Variants in DPP10 observed in about 807,000 individuals in gnomAD.
DPP10 encodes inactive dipeptidyl peptidase 10.
DPP10 carries 33 observed loss-of-function variants against 120.9 expected under a neutral mutation model. The ratio of observed to expected loss-of-function variants is 0.27; its 90% confidence interval spans 0.21 to 0.37. The LOEUF (loss-of-function observed/expected upper bound fraction) is 0.37. Ranked by LOEUF, DPP10 falls within the 10% of genes least tolerant of loss-of-function variation. DPP10 has a pLI of 1.00. For synonymous variants in DPP10, 337 were observed against 326.1 expected (o/e 1.03, Z -0.36); for missense variants, 816 against 942.8 (o/e 0.87, Z 1.76).
intron 2 of DPP10, among the ~76,000 whole-genome samples, chr2:115,332,403 G>T (rs1007693156): frequency 2.6e-5 from 4 of 152,102 alleles, no homozygotes; most frequent in Non-Finnish European, 2.9e-5. Flanking sequence ...TTTTTGAAGG[G>T]TTTTTTATAT....
At chr2:115,699,460 G>T (rs1207318632) in intron 7 of DPP10, among the ~76,000 whole-genome samples, 2 of 152,126 alleles carry the variant, frequency 1.3e-5, no homozygotes, top group African/African-American at 2.4e-5. Context: ...AGATTAGCTG[G>T]ATGTGTTGGC....
chr2:114,623,923 C>T (rs1311995313), intron 1 of DPP10, among the ~76,000 whole-genome samples: 1 of 151,988 alleles, frequency 6.6e-6, no homozygotes, highest in Non-Finnish European at 1.5e-5. Flanking sequence ...AAATAAAATT[C>T]ATCCAGTCCA....
chr2:115,376,157 G>C (rs1370010333), intron 3 of DPP10, among the ~76,000 whole-genome samples: 1 of 152,048 alleles, frequency 6.6e-6, no homozygotes, highest in Non-Finnish European at 1.5e-5. Context: ...TTGTCTGCTT[G>C]TTTGTTTGAA....
chr2:115,486,174 T>A (rs2075766114), intron 3 of DPP10, among the ~76,000 whole-genome samples: 1 of 152,152 alleles, frequency 6.6e-6, no homozygotes, highest in Admixed American at 6.6e-5. Flanking sequence ...GTCTTTTTCT[T>A]CTATCACCTT....
chr2:115,814,868 T>A lies in DPP10; in HGVS notation c.1776T>A (p.Asp592Glu), dbSNP rs759524358. ...GGGATTCCGTACTCATTGACATGGA[T>A]AATGTCATTGTAGCAAGATTTGATG... Reference protein sequence around the residue: ...IDWDSVLIDMDNVIVARFDGR... With the variant: ...IDWDSVLIDMENVIVARFDGR... Residue 592 changes from aspartate to glutamate, a missense_variant, in exon 20 of 26, where the codon GAT becomes GAA. Transcript: ENST00000410059. 1.9e-6 allele frequency: 3 copies of A among 1,610,982 alleles called. No individual in the cohort carries two copies. Among genetic ancestry groups the A allele is most frequent in the Non-Finnish European group, 1.7e-6 (2 of 1,177,812 alleles).
At chr2:114,508,101 A>C (rs1683831387) in intron 1 of DPP10, among the ~76,000 whole-genome samples, 1 of 149,236 alleles carries the variant, frequency 6.7e-6, no homozygotes. Context: ...TTTCTTTCTG[A>C]GGCATAATTT....
chr2:115,261,102 G>T (rs886699327), intron 1 of DPP10, among the ~76,000 whole-genome samples: 1 of 152,178 alleles, frequency 6.6e-6, no homozygotes, highest in Non-Finnish European at 1.5e-5. Flanking sequence ...ATGAGGAGGA[G>T]CTATAGTCTC....
At chr2:115,153,461 T>G (rs1462410497) in intron 1 of DPP10, among the ~76,000 whole-genome samples, 4 of 152,188 alleles carry the variant, frequency 2.6e-5, no homozygotes, top group Non-Finnish European at 5.9e-5. Context: ...ACAACTGTAA[T>G]TTGCCCTACT....
chr2:115,067,612 C>T (rs1573490637), intron 1 of DPP10, among the ~76,000 whole-genome samples: 3 of 145,302 alleles, frequency 2.1e-5, no homozygotes, highest in Admixed American at 2.0e-4. Flanking sequence ...GCCTTTGATC[C>T]CAACACTTTG....
At chr2:115,064,121 C>A (rs1323193864) in intron 1 of DPP10, among the ~76,000 whole-genome samples, 1 of 152,074 alleles carries the variant, frequency 6.6e-6, no homozygotes, top group Non-Finnish European at 1.5e-5. Context: ...GATTGTTGTT[C>A]ATTTGTTTTC....
chr2:115,258,294 G>T (rs1007046466), intron 1 of DPP10, among the ~76,000 whole-genome samples: 1 of 152,128 alleles, frequency 6.6e-6, no homozygotes, highest in Admixed American at 6.5e-5. Context: ...CGTTTAATGT[G>T]TGTCAGCTAT....
chr2:114,792,769 A>T (rs1458112038), intron 1 of DPP10, among the ~76,000 whole-genome samples: 1 of 152,194 alleles, frequency 6.6e-6, no homozygotes, highest in African/African-American at 2.4e-5. Flanking sequence ...ACAATATTGT[A>T]TTCATGTCAG....
intron 1 of DPP10, among the ~76,000 whole-genome samples, chr2:115,197,659 C>G (rs577425573): frequency 6.6e-6 from 1 of 152,270 alleles, no homozygotes; most frequent in South Asian, 2.1e-4. Context: ...TTAGAGCCTG[C>G]TATAAACCCT....
intron 1 of DPP10, among the ~76,000 whole-genome samples, chr2:115,168,950 C>A (rs1443941286): frequency 1.3e-5 from 2 of 152,056 alleles, no homozygotes; most frequent in African/African-American, 4.8e-5. Flanking sequence ...TTGATGTGAA[C>A]AGTATTCTTT....
At position 114,643,290 on chromosome 2, in the gene DPP10, G is replaced by A. The variant is rs1348773667; in HGVS notation, c.60+200452G>A. On this transcript the variant is annotated intron_variant, in intron 1 of 25. Coordinates refer to ENST00000410059, the MANE Select transcript of DPP10 (RefSeq NM_020868.6). Reference sequence around the variant, plus strand: ...AGCCAGGGGCAGGGAGGGCACTCCAGGCAGCAAGCTGACACAATTTACAAA... The same window carrying A: ...AGCCAGGGGCAGGGAGGGCACTCCAAGCAGCAAGCTGACACAATTTACAAA... Among the ~76,000 whole-genome samples, 4 of 151,934 alleles carry A rather than the reference G, an allele frequency of 2.6e-5. No homozygotes were observed. The East Asian group carries it at 7.7e-4, about 29-fold the overall frequency.
At chr2:115,544,760 A>T (rs941135279) in intron 5 of DPP10, among the ~76,000 whole-genome samples, 1 of 152,014 alleles carries the variant, frequency 6.6e-6, no homozygotes, top group Non-Finnish European at 1.5e-5. Context: ...AAAAGACTGA[A>T]CTTTACCTAC....
chr2:114,994,709 G>A (rs13400690), intron 1 of DPP10, among the ~76,000 whole-genome samples: 3,433 of 152,000 alleles, frequency 0.023, 123 homozygotes, highest in African/African-American at 0.079. Context: ...TTTTCTTTTC[G>A]CAGGGTCACA....
chr2:115,062,826 C>T (rs1288731641), intron 1 of DPP10, among the ~76,000 whole-genome samples: 2 of 152,138 alleles, frequency 1.3e-5, no homozygotes, highest in South Asian at 2.1e-4. Context: ...GTCTTTGCTA[C>T]TGTGAATAGT....
intron 1 of DPP10, among the ~76,000 whole-genome samples, chr2:114,624,655 T>C (rs1694367544): frequency 1.3e-5 from 2 of 151,996 alleles, no homozygotes; most frequent in African/African-American, 4.8e-5. Flanking sequence ...TGGTGATAAG[T>C]ATATAAGATT....
Sources: allele counts gnomAD v4.1 joint callset (sites outside exome capture counted in the v4.1 genomes callset), GRCh38; gene constraint gnomAD v4.1.1; transcripts MANE v1.5; gene names NCBI Gene and HGNC (gene_info 2026-07-23, HGNC 2026-07-21).